SEPTIN3: variants seen among roughly 807,000 people sequenced by gnomAD.
SEPTIN3 encodes neuronal-specific septin-3.
Under a neutral mutation model 45.1 loss-of-function variants are expected in SEPTIN3, and 15 were observed. The observed-to-expected ratio is 0.33, with a 90% confidence interval of 0.22 to 0.51. The LOEUF is 0.51. SEPTIN3 is among the 20% of genes least tolerant of loss of function. The pLI, the probability that SEPTIN3 is intolerant of heterozygous loss-of-function variation, is 0.97. For missense variants in SEPTIN3, 289 were observed against 457.2 expected (o/e 0.63, Z 3.35); for synonymous variants, 148 against 164.8 (o/e 0.90, Z 0.78).
chr22:41,985,960 C>G, intron 3 of SEPTIN3, 24 bp from the exon 4 acceptor site: 1 of 1,584,556 alleles, frequency 6.3e-7, no homozygotes, highest in Non-Finnish European at 8.6e-7. Flanking sequence ...AGTCTCCCTA[C>G]CTCCTCCTCC....
intron 1 of SEPTIN3, among the ~76,000 whole-genome samples, chr22:41,970,683 T>G (rs1569434814): frequency 6.6e-6 from 1 of 152,146 alleles, no homozygotes. Context: ...CTTTGGGCCT[T>G]CTGTAGGAAC....
Position 41,989,698 on chromosome 22 carries a change from C to T in SEPTIN3, c.2163+14C>T, listed in dbSNP as rs781694736. The T allele has an allele frequency of 1.3e-6, 2 of 1,520,062 alleles. No individual in the cohort carries two copies. Among genetic ancestry groups the T allele is most frequent in the African/African-American group, 1.4e-5 (1 of 73,110 alleles). 94.2% of individuals were successfully genotyped at this position (1,520,062 alleles called of 1,614,324 possible). On this transcript the variant is annotated intron_variant, in intron 7 of 11. Transcript: ENST00000644076. ...TTCAAGCAAAGGGTGAGAAGGCCCCCTGTCTTCTTTTCCTGTTCCCATCCC... is the reference window on the plus strand; with the variant it reads ...TTCAAGCAAAGGGTGAGAAGGCCCCTTGTCTTCTTTTCCTGTTCCCATCCC...
At chr22:41,983,094 C>T (rs2078148302) in intron 3 of SEPTIN3, among the ~76,000 whole-genome samples, 1 of 152,166 alleles carries the variant, frequency 6.6e-6, no homozygotes. Flanking sequence ...CTCTTGCTGC[C>T]ACCCTATACT....
rs536510218 is a variant in SEPTIN3, at chr22:41,997,202, G to A, written c.*235G>A. On this transcript the variant is annotated 3_prime_UTR_variant, in exon 12 of 12. Coordinates refer to ENST00000644076, the MANE Select transcript of SEPTIN3 (RefSeq NM_001363845.2). ...AGTACAGCCCTACTGCATCATCTGC[G>A]TCAGCCGGTCCTAGCCCATCTGCAG... 1.8e-5 allele frequency: 13 copies of A among 707,036 alleles called. No homozygotes were observed. The highest frequency in any genetic ancestry group is 1.4e-4 in the South Asian group (7 of 50,432). The allele number at this position is 707,036 out of a possible 1,614,324, so 43.8% of individuals were successfully genotyped here. A position where few individuals can be genotyped will look rare whatever the true frequency, so the allele number is the denominator to read the frequency against.
chr22:41,982,212 A>G (rs941792377), intron 3 of SEPTIN3: 2 of 196,168 alleles, frequency 1.0e-5, no homozygotes, highest in African/African-American at 4.7e-5. Flanking sequence ...GTAGTGCTTT[A>G]AAACTTTGAG....
intron 8 of SEPTIN3, among the ~76,000 whole-genome samples, chr22:41,992,367 G>A (rs934492464): frequency 1.3e-5 from 2 of 152,168 alleles, no homozygotes; most frequent in Non-Finnish European, 2.9e-5. Flanking sequence ...CAACAAGAGC[G>A]AACTCTGTCT....
intron 11 of SEPTIN3, chr22:41,995,457 C>G (rs1472561452): frequency 1.0e-6 from 1 of 985,476 alleles, no homozygotes; most frequent in Admixed American, 6.1e-5. Flanking sequence ...CTGGCCTCTG[C>G]TGCCAGGCCA....
Position 41,972,822 on chromosome 22 carries a change from G to A in SEPTIN3, c.1330G>A (p.Asp444Asn), listed in dbSNP as rs1296202865. The change falls in exon 2 of 12, where the codon GAC becomes AAC. Residue 444 changes from aspartate to asparagine, a missense_variant. Coordinates refer to ENST00000644076, the MANE Select transcript of SEPTIN3 (RefSeq NM_001363845.2). The part of the protein sequence containing the change: ...AVGSVVPVTP[D>N]PATGKTTLGS... ...GGGTTCAGTTGTGCCAGTAACCCCA[G>A]ACCCAGCCACTGGGAAGACCACACT... is the stretch of plus-strand genomic sequence containing the variant. The A allele has an allele frequency of 2.5e-6, 1 of 399,120 alleles. No individual in the cohort carries two copies. The highest frequency in any genetic ancestry group is 4.4e-6 in the Non-Finnish European group (1 of 226,146). 24.7% of individuals were successfully genotyped at this position (399,120 alleles called of 1,614,324 possible). A position where few individuals can be genotyped will look rare whatever the true frequency, so the allele number is the denominator to read the frequency against.
intron 2 of SEPTIN3, chr22:41,981,255 G>T: frequency 5.7e-6 from 1 of 175,560 alleles, no homozygotes. Context: ...AAGATCAGGG[G>T]TGCCACTAAT....
In SEPTIN3 at chr22:41,997,561, C is replaced by A. The variant is rs113343667; in HGVS notation, c.*594C>A. 5.2e-5 allele frequency: 8 copies of A among 152,462 alleles called. No homozygotes were observed. Among genetic ancestry groups the A allele is most frequent in the African/African-American group, 1.9e-4 (8 of 41,536 alleles). 9.4% of individuals were successfully genotyped at this position (152,462 alleles called of 1,614,324 possible). Reference sequence around the variant, plus strand: ...AGAGTGCGGTTGTACATCCTCCCCACCTCATAACGCAGCCACTGAGGAAGA... The same window carrying A: ...AGAGTGCGGTTGTACATCCTCCCCAACTCATAACGCAGCCACTGAGGAAGA... On this transcript the variant is annotated 3_prime_UTR_variant, in exon 12 of 12. Transcript: ENST00000644076.
rs766750532 is a variant in SEPTIN3, at chr22:41,986,064, C to T, written c.1777C>T (p.Arg593Trp). 8.1e-6 allele frequency: 13 copies of T among 1,613,768 alleles called. No homozygotes were observed. The highest frequency in any genetic ancestry group is 7.7e-5 in the South Asian group (7 of 91,042). The change falls in exon 4 of 12, where the codon CGG becomes TGG. Residue 593 changes from arginine (R) to tryptophan (W), a missense_variant. By Grantham distance (101) the Arg-to-Trp change is moderately radical. Transcript: ENST00000644076. Reference sequence around the variant, plus strand: ...GAGCCGCAAGGCCTCCAGCTGGAACCGGGAGGAGAAGATCCCCAAGACAGT... The same window carrying T: ...GAGCCGCAAGGCCTCCAGCTGGAACTGGGAGGAGAAGATCCCCAAGACAGT... ...QVSRKASSWN[R>W]EEKIPKTVEI...
intron 2 of SEPTIN3, among the ~76,000 whole-genome samples, chr22:41,980,378 C>T (rs1292149493): frequency 5.9e-5 from 9 of 152,194 alleles, no homozygotes; most frequent in East Asian, 1.9e-4. Flanking sequence ...CCTCATGATC[C>T]GCCTGCCTTG....
At chr22:41,987,408 C>T (rs1490526913) in intron 5 of SEPTIN3, 121 bp downstream of exon 5, 10 of 1,133,162 alleles carry the variant, frequency 8.8e-6, no homozygotes, top group Non-Finnish European at 1.3e-5. Context: ...TTCCCGACAG[C>T]CCAGGCCAGG....
chr22:41,977,854 T>C (rs554310961), intron 2 of SEPTIN3, among the ~76,000 whole-genome samples: 11 of 152,180 alleles, frequency 7.2e-5, no homozygotes, highest in Non-Finnish European at 1.5e-4. Flanking sequence ...TTGCTTAGCA[T>C]GGGAATGGAG....
At chr22:41,982,044 C>T (rs1449248930) in intron 3 of SEPTIN3, 15 of 576,362 alleles carry the variant, frequency 2.6e-5, no homozygotes, top group Non-Finnish European at 4.0e-5. Flanking sequence ...TGGATGCCAG[C>T]CCAGCCCCCC....
intron 6 of SEPTIN3, 45 bp from the exon 7 acceptor site, chr22:41,989,522 G>A: frequency 2.3e-6 from 3 of 1,311,612 alleles, no homozygotes; most frequent in East Asian, 4.6e-5. Flanking sequence ...GCTGAGTTGG[G>A]GAGGGCAAGG....
chr22:41,972,248 G>A lies in SEPTIN3; in HGVS notation c.756G>A (p.Thr252=), dbSNP rs561826505. The part of the protein sequence containing the change: ...RPRGRLQRAN[T]TVNLTAMDTR... ...GGGGGCGTCTCCAAAGGGCCAACAC[G>A]ACTGTGAATTTGACTGCTATGGACA... Residue 252 remains threonine (T), a synonymous_variant, in exon 2 of 12, where the codon ACG becomes ACA. Coordinates refer to ENST00000644076, the MANE Select transcript of SEPTIN3 (RefSeq NM_001363845.2). The A allele has an allele frequency of 5.0e-5, 20 of 399,070 alleles. No individual in the cohort carries two copies. The highest frequency in any genetic ancestry group is 1.3e-4 in the Admixed American group (3 of 22,740). The allele number at this position is 399,070 out of a possible 1,614,324, so 24.7% of individuals were successfully genotyped here.
At position 41,994,763 on chromosome 22, in the gene SEPTIN3, C is replaced by T; in HGVS notation, c.2505+49C>T. ...CCACGACAGTAACCCATGACGACCA[C>T]TTCTCTGTGTCATCACACATACCCA... On this transcript the variant is annotated intron_variant, in intron 11 of 11. Transcript: ENST00000644076. This position sits in a 1 kb window ranked among gnomAD's most constrained non-coding sequence, Gnocchi z 4.2. The T allele has an allele frequency of 6.2e-7, 1 of 1,613,966 alleles. No homozygotes were observed. The highest frequency in any genetic ancestry group is 8.5e-7 in the Non-Finnish European group (1 of 1,180,016).
chr22:41,991,907 C>G (rs903907085), intron 8 of SEPTIN3, among the ~76,000 whole-genome samples: 1 of 152,138 alleles, frequency 6.6e-6, no homozygotes, highest in African/African-American at 2.4e-5. Flanking sequence ...CTCCTTTTCC[C>G]CAACAAGGTC....
Sources: gnomAD v4.1 joint callset for allele counts (sites outside exome capture counted in the v4.1 genomes callset) on GRCh38, gnomAD v4.1.1 for gene constraint, Gnocchi (gnomAD v3.1) non-coding constraint, MANE v1.5 for transcripts, NCBI Gene and HGNC (gene_info 2026-07-23, HGNC 2026-07-21) for gene names.